NKAIN3: variants seen among roughly 807,000 people sequenced by gnomAD.
The protein encoded by NKAIN3 is sodium/potassium transporting ATPase interacting 3.
In NKAIN3, 25 loss-of-function variants were observed where a neutral mutation model predicts 30.2. That is an observed-to-expected ratio of 0.83 (90% confidence interval 0.60 to 1.16). The LOEUF is 1.16. Ranked by LOEUF, NKAIN3 falls within the 50% of genes most tolerant of loss-of-function variation. The pLI, the probability that NKAIN3 is intolerant of heterozygous loss-of-function variation, is 0.00. For missense variants in NKAIN3, 225 were observed against 254.1 expected, an observed-to-expected ratio of 0.89 and a Z score of 0.78; for synonymous variants, 91 against 89.6, an observed-to-expected ratio of 1.02 and a Z score of -0.09.
chr8:62,971,253 A>G lies in NKAIN3; in HGVS notation c.*5846A>G, dbSNP rs188996741. ...CACACACTACTTCTGTTTACATCTCATTAGCCAAAACTTGGTCCACCCCCA... is the reference window on the plus strand; with the variant it reads ...CACACACTACTTCTGTTTACATCTCGTTAGCCAAAACTTGGTCCACCCCCA... On this transcript the variant is annotated 3_prime_UTR_variant, in exon 7 of 7. Transcript: ENST00000623646. 6.6e-6 allele frequency among the ~76,000 whole-genome samples: 1 copy of G among 152,300 alleles called. No individual in the cohort carries two copies. The highest frequency in any genetic ancestry group is 1.9e-4 in the East Asian group (1 of 5,176).
intron 1 of NKAIN3, among the ~76,000 whole-genome samples, chr8:62,309,821 G>A (rs1403459796): frequency 6.7e-6 from 1 of 150,364 alleles, no homozygotes; most frequent in Non-Finnish European, 1.5e-5. Flanking sequence ...TGAAACTTTT[G>A]ACATACCAGT....
At chr8:62,627,619 A>G (rs1419458573) in intron 3 of NKAIN3, among the ~76,000 whole-genome samples, 1 of 152,134 alleles carries the variant, frequency 6.6e-6, no homozygotes, top group Non-Finnish European at 1.5e-5. Context: ...AAGATGACTG[A>G]GAGGATGATG....
chr8:62,695,446 T>C (rs1315099904), intron 3 of NKAIN3, among the ~76,000 whole-genome samples: 1 of 152,090 alleles, frequency 6.6e-6, no homozygotes, highest in Non-Finnish European at 1.5e-5. Context: ...GTGATAATAA[T>C]AATGAGGTAA....
At chr8:62,960,125 C>T (rs193241366) in intron 6 of NKAIN3, among the ~76,000 whole-genome samples, 2 of 152,322 alleles carry the variant, frequency 1.3e-5, no homozygotes, top group East Asian at 3.9e-4. Flanking sequence ...ATATAGCTTA[C>T]GCAGTTCAGA....
At chr8:62,279,917 A>G (rs1813115898) in intron 1 of NKAIN3, among the ~76,000 whole-genome samples, 1 of 152,162 alleles carries the variant, frequency 6.6e-6, no homozygotes, top group African/African-American at 2.4e-5. Flanking sequence ...GAAGAAAGTC[A>G]TTGGTAGCTT....
chr8:62,379,982 C>T (rs557052634), intron 1 of NKAIN3, among the ~76,000 whole-genome samples: 19 of 152,306 alleles, frequency 1.2e-4, no homozygotes, highest in Admixed American at 2.0e-4. Context: ...ATAAATGTCC[C>T]TGTCATGATA....
intron 4 of NKAIN3, among the ~76,000 whole-genome samples, chr8:62,768,575 C>T (rs1163238842): frequency 1.3e-5 from 2 of 152,028 alleles, no homozygotes; most frequent in African/African-American, 4.8e-5. Context: ...AGTTCTATCA[C>T]GGGAAATGAA....
At chr8:62,986,684 C>T (rs916593391), downstream of NKAIN3, among the ~76,000 whole-genome samples, 2 of 152,176 alleles carry the variant, frequency 1.3e-5, no homozygotes, top group Non-Finnish European at 1.5e-5. Context: ...AATCTCACTG[C>T]CATTGCATTT....
chr8:62,859,778 C>T (rs1362105644), intron 4 of NKAIN3, among the ~76,000 whole-genome samples: 2 of 152,248 alleles, frequency 1.3e-5, no homozygotes, highest in East Asian at 3.9e-4. Flanking sequence ...CTGCTAGATT[C>T]TCATGTACAG....
intron 2 of NKAIN3, among the ~76,000 whole-genome samples, chr8:62,580,906 T>TCA (rs71974501): frequency 8.9e-6 from 1 of 112,274 alleles, no homozygotes; most frequent in Non-Finnish European, 2.1e-5. Flanking sequence ...GCTAGGGTTT[T>TCA]TATATATATA....
chr8:62,822,267 G>T (rs1023048060), intron 4 of NKAIN3, among the ~76,000 whole-genome samples: 2 of 152,156 alleles, frequency 1.3e-5, no homozygotes, highest in Non-Finnish European at 2.9e-5. Context: ...CTTTGAAGGA[G>T]TCTGAGTAAA....
At position 62,979,540 on chromosome 8, in the gene NKAIN3, G is replaced by T. The variant is rs970946603; in HGVS notation, c.*14133G>T. On this transcript the variant is annotated 3_prime_UTR_variant, in exon 7 of 7. Coordinates refer to ENST00000623646, the MANE Select transcript of NKAIN3 (RefSeq NM_001304533.3). The stretch of plus-strand genomic sequence containing the variant: ...ACAATAAATGGTAAATTATTATTTT[G>T]GGGAGTGAAAGCTAAAAGAAATAAT... The T allele has an allele frequency of 6.6e-6, 1 of 152,106 alleles. No homozygotes were observed. The highest frequency in any genetic ancestry group is 2.4e-5 in the African/African-American group (1 of 41,412). 9.4% of individuals were successfully genotyped at this position (152,106 alleles called of 1,614,324 possible).
chr8:62,536,465 TG>T (rs1365019631), intron 1 of NKAIN3, among the ~76,000 whole-genome samples: 3 of 152,074 alleles, frequency 2.0e-5, no homozygotes, highest in African/African-American at 7.2e-5. Context: ...CCTTATCAAG[TG>T]GATTTATTGA....
In NKAIN3 at chr8:62,870,272, A is replaced by ATC. The variant is rs1563604035; in HGVS notation, c.472-48180_472-48179insCT. ...TATCTATATATATATCTATATATAG[A>ATC]TATATATAAATATCTATAGATATAT... On this transcript the variant is annotated intron_variant, in intron 4 of 6. Coordinates refer to ENST00000623646, the MANE Select transcript of NKAIN3 (RefSeq NM_001304533.3). 9.0e-4 allele frequency among the ~76,000 whole-genome samples: 112 copies of ATC among 124,684 alleles called. 7 individuals carry two copies. The highest frequency in any genetic ancestry group is 5.2e-3 in the Middle Eastern group (1 of 192). 81.8% of individuals were successfully genotyped at this position (124,684 alleles called of 152,430 possible).
At chr8:62,492,661 A>C (rs567420744) in intron 1 of NKAIN3, among the ~76,000 whole-genome samples, 1 of 152,234 alleles carries the variant, frequency 6.6e-6, no homozygotes, top group East Asian at 1.9e-4. Flanking sequence ...CAGCAATACA[A>C]TTTTCTACCA....
At chr8:62,290,670 A>C (rs76473655) in intron 1 of NKAIN3, among the ~76,000 whole-genome samples, 8 of 152,144 alleles carry the variant, frequency 5.3e-5, no homozygotes. Flanking sequence ...TTTTGCATCA[A>C]TGTTCATCAG....
At chr8:62,433,648 T>C (rs1679313461) in intron 1 of NKAIN3, among the ~76,000 whole-genome samples, 1 of 152,030 alleles carries the variant, frequency 6.6e-6, no homozygotes, top group Admixed American at 6.6e-5. Context: ...TTATTATAGG[T>C]TGATGCAAGA....
intron 1 of NKAIN3, among the ~76,000 whole-genome samples, chr8:62,280,843 GT>G (rs1813153463): frequency 6.6e-6 from 1 of 151,992 alleles, no homozygotes; most frequent in Admixed American, 6.5e-5. Flanking sequence ...TCTCTTTTTT[GT>G]TGTGCCTCTG....
chr8:62,686,975 C>T (rs962663372), intron 3 of NKAIN3, among the ~76,000 whole-genome samples: 1 of 152,146 alleles, frequency 6.6e-6, no homozygotes, highest in African/African-American at 2.4e-5. Context: ...GCAATTTAAT[C>T]AGTGAAGAGC....
Sources: gnomAD v4.1 joint callset for allele counts (sites outside exome capture counted in the v4.1 genomes callset) on GRCh38, gnomAD v4.1.1 for gene constraint, MANE v1.5 for transcripts, NCBI Gene and HGNC (gene_info 2026-07-23, HGNC 2026-07-21) for gene names.